FAT4: variants seen among roughly 807,000 people sequenced by gnomAD.
FAT4 encodes protocadherin Fat 4.
In FAT4, 84 loss-of-function variants were observed where a neutral mutation model predicts 303.9. The observed-to-expected ratio is 0.28, with a 90% CI of 0.23 to 0.33. FAT4 has a LOEUF of 0.33. Among genes scored for constraint, FAT4 ranks in the 10% least tolerant of loss-of-function variants. FAT4 has a pLI of 1.00. For missense variants in FAT4, 6,005 were observed against 6,146.8 expected, an observed-to-expected ratio of 0.98 and a Z score of 0.77; for synonymous variants, 2,307 against 2,298.8, an observed-to-expected ratio of 1.00 and a Z score of -0.10.
At chr4:125,363,950 T>A (rs556055472) in intron 2 of FAT4, among the ~76,000 whole-genome samples, 10 of 152,330 alleles carry the variant, frequency 6.6e-5, no homozygotes, top group African/African-American at 2.4e-4. Context: ...TGGAAAACTT[T>A]TAATGCTGGC....
rs139920819 is a variant in FAT4 at position 125,379,230 on chromosome 4, G to A, written c.5176-19554G>A. On this transcript the variant is annotated intron_variant, in intron 2 of 17. Coordinates refer to ENST00000394329, the MANE Select transcript of FAT4 (RefSeq NM_001291303.3). ...AAAGCAAATTAAAAAATTAACATGC[G>A]GAACAATCTTTTAAAAAGTTTTTTT... Among the ~76,000 whole-genome samples the A allele has an allele frequency of 4.3e-3, 646 of 150,696 alleles. 3 individuals carry two copies. Among genetic ancestry groups the A allele is most frequent in the African/African-American group, 0.015 (607 of 41,170 alleles).
chr4:125,392,089 A>G (rs1057239767), intron 2 of FAT4, among the ~76,000 whole-genome samples: 2 of 152,194 alleles, frequency 1.3e-5, no homozygotes, highest in African/African-American at 4.8e-5. Flanking sequence ...GCAATTACCT[A>G]TGTTGGTAAT....
intron 8 of FAT4, chr4:125,446,049 C>T (rs1725815430): frequency 2.8e-6 from 1 of 351,906 alleles, no homozygotes; most frequent in African/African-American, 2.1e-5. Flanking sequence ...ACTTAAGAGT[C>T]CTAAAAACCT....
Position 125,317,274 on chromosome 4 carries a change from G to C in FAT4, c.863G>C (p.Arg288Pro). ...GGCACCAACGCGGACATCCGCTATCGCCTGCAGGACGAGGGGACCCCCTTC... is the reference window on the plus strand; with the variant it reads ...GGCACCAACGCGGACATCCGCTATCCCCTGCAGGACGAGGGGACCCCCTTC... ...DEGTNADIRY[R>P]LQDEGTPFQM... Residue 288 changes from arginine (R) to proline (P), a missense_variant, in exon 2 of 18, where the codon CGC (arginine) becomes CCC (proline). By Grantham distance (103) the Arg-to-Pro change is moderately radical. Transcript: ENST00000394329. This position sits in a 1 kb window ranked among gnomAD's most constrained non-coding sequence, Gnocchi z 7.0. 1 of 1,583,576 alleles carries C rather than the reference G, an allele frequency of 6.3e-7. No individual in the cohort carries two copies. The highest frequency in any genetic ancestry group is 8.6e-7 in the Non-Finnish European group (1 of 1,162,544).
chr4:125,432,910 C>T (rs1725329764), intron 7 of FAT4, among the ~76,000 whole-genome samples: 4 of 152,054 alleles, frequency 2.6e-5, no homozygotes, highest in Admixed American at 2.0e-4. Context: ...TTATTGTGCT[C>T]TGCTCAACTG....
chr4:125,368,729 C>CT lies in FAT4; in HGVS notation c.5176-30044dup, dbSNP rs35704660. 9.7e-3 allele frequency among the ~76,000 whole-genome samples: 1,410 copies of CT among 145,630 alleles called. 8 individuals are homozygous for CT. The highest frequency in any genetic ancestry group is 0.031 in the Middle Eastern group (9 of 288). On this transcript the variant is annotated intron_variant, in intron 2 of 17. Coordinates refer to ENST00000394329, the MANE Select transcript of FAT4 (RefSeq NM_001291303.3). ...TGTCAAGATGGGAAAATATCCAAAA[C>CT]TTTTTTTTTTTGAGAGAGAGAGAGA...
intron 2 of FAT4, among the ~76,000 whole-genome samples, chr4:125,332,647 T>C (rs1193487593): frequency 6.6e-6 from 1 of 152,118 alleles, no homozygotes; most frequent in Non-Finnish European, 1.5e-5. Context: ...TTGACTATTA[T>C]GGAATTGTGT....
chr4:125,366,591 T>C (rs1437139041), intron 2 of FAT4, among the ~76,000 whole-genome samples: 1 of 152,230 alleles, frequency 6.6e-6, no homozygotes, highest in Non-Finnish European at 1.5e-5. Flanking sequence ...AATAGAATGA[T>C]GCATATTCCT....
At chr4:125,427,459 A>G (rs1725121523) in intron 7 of FAT4, among the ~76,000 whole-genome samples, 1 of 152,050 alleles carries the variant, frequency 6.6e-6, no homozygotes. Context: ...AATTTATATA[A>G]GCATATATGT....
chr4:125,350,220 G>A (rs1732171377), intron 2 of FAT4, among the ~76,000 whole-genome samples: 1 of 151,646 alleles, frequency 6.6e-6, no homozygotes, highest in Non-Finnish European at 1.5e-5. Flanking sequence ...CTTGGTTGGT[G>A]TTTATTTCTA....
intron 16 of FAT4, among the ~76,000 whole-genome samples, chr4:125,484,060 T>TACACACACACACACAC (rs34883833): frequency 7.2e-6 from 1 of 138,160 alleles, no homozygotes; most frequent in Non-Finnish European, 1.6e-5. Flanking sequence ...CAGACACACA[T>TACACACACACACACAC]ACACACACAC....
chr4:125,357,482 A>C (rs1033011503), intron 2 of FAT4, among the ~76,000 whole-genome samples: 2 of 152,152 alleles, frequency 1.3e-5, no homozygotes, highest in African/African-American at 4.8e-5. Context: ...AATCAAATGG[A>C]ATTTTAATTG....
chr4:125,324,760 C>A (rs1367934385), intron 2 of FAT4, among the ~76,000 whole-genome samples: 3 of 152,214 alleles, frequency 2.0e-5, no homozygotes, highest in African/African-American at 4.8e-5. Context: ...GTCAAGGACA[C>A]CCCTGGAGAC....
intron 2 of FAT4, among the ~76,000 whole-genome samples, chr4:125,335,943 G>C (rs894874951): frequency 3.3e-5 from 5 of 151,872 alleles, no homozygotes; most frequent in African/African-American, 1.2e-4. Context: ...AAGACTGTTT[G>C]ATTTACTTTT....
intron 3 of FAT4, among the ~76,000 whole-genome samples, chr4:125,405,602 C>T (rs1734567378): frequency 6.6e-6 from 1 of 151,934 alleles, no homozygotes; most frequent in South Asian, 2.1e-4. Context: ...GCTCTGCCTC[C>T]CGAGTTCATG....
In FAT4 at chr4:125,415,606, A is replaced by G; in HGVS notation, c.6643A>G (p.Lys2215Glu). 1 of 1,614,066 alleles carries G rather than the reference A, an allele frequency of 6.2e-7. No individual in the cohort carries two copies. Among genetic ancestry groups the G allele is most frequent in the South Asian group, 1.1e-5 (1 of 91,086 alleles). The change falls in exon 6 of 18, where the codon AAA (lysine) becomes GAA (glutamate). Residue 2215 changes from lysine to glutamate, a missense_variant. Transcript: ENST00000394329. ...TGTCACAGGTGCCATCACTGTCGCT[A>G]AACCTTTGGATAGAGAAAAGACCCC... ...DSVTGAITVAKPLDREKTPTY... is the reference protein window; with the variant it reads ...DSVTGAITVAEPLDREKTPTY...
intron 8 of FAT4, among the ~76,000 whole-genome samples, chr4:125,436,262 C>T (rs1474980266): frequency 6.6e-6 from 1 of 151,584 alleles, no homozygotes; most frequent in East Asian, 1.9e-4. Flanking sequence ...CTAAGTTTTC[C>T]ACTCAAACAC....
intron 14 of FAT4, among the ~76,000 whole-genome samples, chr4:125,477,685 A>G (rs947104919): frequency 6.6e-6 from 1 of 152,032 alleles, no homozygotes; most frequent in African/African-American, 2.4e-5. Context: ...GTTAGCCATC[A>G]TGGACACATA....
In FAT4 at chr4:125,446,604, T is replaced by C. The variant is rs1725838458; in HGVS notation, c.7450+61T>C. ...ACAAACTATGTATCAGACATTTCTA[T>C]AAAAATATTTATGATATTTTACATA... On this transcript the variant is annotated intron_variant, in intron 9 of 17. Coordinates refer to ENST00000394329, the MANE Select transcript of FAT4 (RefSeq NM_001291303.3). 2.9e-6 allele frequency: 4 copies of C among 1,385,200 alleles called. No individual in the cohort carries two copies. In the African/African-American group the frequency reaches 5.8e-5, roughly 20 times the overall value. 85.8% of individuals were successfully genotyped at this position (1,385,200 alleles called of 1,614,324 possible). A position where few individuals can be genotyped will look rare whatever the true frequency, so the allele number is the denominator to read the frequency against.
Sources: gnomAD v4.1 joint callset for allele counts (sites outside exome capture counted in the v4.1 genomes callset) on GRCh38, gnomAD v4.1.1 for gene constraint, Gnocchi (gnomAD v3.1) non-coding constraint, MANE v1.5 for transcripts, NCBI Gene and HGNC (gene_info 2026-07-23, HGNC 2026-07-21) for gene names.